TNFAIP8: variants seen among roughly 807,000 people sequenced by gnomAD.
The protein encoded by TNFAIP8 is tumor necrosis factor alpha-induced protein 8.
Under a neutral mutation model 13.3 loss-of-function variants are expected in TNFAIP8, and 7 were observed. The ratio of observed to expected loss-of-function variants is 0.52; its 90% CI spans 0.30 to 0.99. The LOEUF is 0.99. TNFAIP8 is among the 50% of genes least tolerant of loss of function. The pLI, the probability that TNFAIP8 is intolerant of heterozygous loss-of-function variation, is 0.07. For missense variants in TNFAIP8, 258 were observed against 236.9 expected (o/e 1.09, Z -0.58); for synonymous variants, 94 against 87.6 (o/e 1.07, Z -0.41).
At chr5:119,302,011 A>C (rs974456735) in intron 1 of TNFAIP8, among the ~76,000 whole-genome samples, 69 of 152,266 alleles carry the variant, frequency 4.5e-4, no homozygotes, top group African/African-American at 1.6e-3. Context: ...CTTTGATTAC[A>C]TAATTTCCAA....
intron 1 of TNFAIP8, among the ~76,000 whole-genome samples, chr5:119,332,390 A>G (rs1750411689): frequency 6.6e-6 from 1 of 152,164 alleles, no homozygotes; most frequent in Admixed American, 6.5e-5. Context: ...TTGCACGTAT[A>G]CACAACCAGA....
intron 1 of TNFAIP8, among the ~76,000 whole-genome samples, chr5:119,349,083 C>T (rs1751024399): frequency 6.6e-6 from 1 of 152,154 alleles, no homozygotes; most frequent in Non-Finnish European, 1.5e-5. Flanking sequence ...TGAATCCCTT[C>T]TGTGGCCCCT....
intron 1 of TNFAIP8, among the ~76,000 whole-genome samples, chr5:119,388,105 G>GT (rs1464968689): frequency 6.6e-6 from 1 of 152,180 alleles, no homozygotes; most frequent in Non-Finnish European, 1.5e-5. Flanking sequence ...AGGTGGGCCT[G>GT]TGTTTAATCT....
chr5:119,330,568 G>T lies in TNFAIP8; in HGVS notation c.1+61661G>T, dbSNP rs114585078. ...TCTCAGCCCTGTCCTATTGTGCAGG[G>T]TCCTGCTGAATATGCTGCTTAACCT... On this transcript the variant is annotated intron_variant, in intron 1 of 1. Coordinates refer to the TNFAIP8 transcript ENST00000274456. Among the ~76,000 whole-genome samples the T allele has an allele frequency of 1.6e-3, 236 of 152,230 alleles. 1 individual carries two copies. Among genetic ancestry groups the T allele is most frequent in the African/African-American group, 4.8e-3 (199 of 41,530 alleles).
chr5:119,368,522 T>C (rs1355669888), intron 1 of TNFAIP8, among the ~76,000 whole-genome samples: 1 of 151,568 alleles, frequency 6.6e-6, no homozygotes, highest in Admixed American at 6.6e-5. Flanking sequence ...AAATACTAAA[T>C]TAGTCACAGC....
chr5:119,335,748 A>G (rs181767101), intron 1 of TNFAIP8, among the ~76,000 whole-genome samples: 24 of 152,244 alleles, frequency 1.6e-4, no homozygotes, highest in Admixed American at 1.3e-3. Context: ...CTGCTCTTGG[A>G]GAGCTGATAT....
intron 1 of TNFAIP8, among the ~76,000 whole-genome samples, chr5:119,297,514 C>T (rs1265361041): frequency 6.6e-6 from 1 of 152,084 alleles, no homozygotes; most frequent in East Asian, 1.9e-4. Context: ...CTGAGGAGAG[C>T]TTTACTTCCA....
intron 1 of TNFAIP8, among the ~76,000 whole-genome samples, chr5:119,360,848 G>A (rs1027809350): frequency 6.6e-6 from 1 of 152,150 alleles, no homozygotes; most frequent in South Asian, 2.1e-4. Context: ...CACCTTCTAC[G>A]TGTAACTCAA....
intron 1 of TNFAIP8, among the ~76,000 whole-genome samples, chr5:119,308,456 C>T (rs901298753): frequency 6.8e-6 from 1 of 146,786 alleles, no homozygotes; most frequent in African/African-American, 2.5e-5. Context: ...GCTGTGCCTT[C>T]CTGCCTCTTG....
Position 119,359,063 on chromosome 5 carries a change from C to G in TNFAIP8, c.31+2942C>G, listed in dbSNP as rs1751541091. Among the ~76,000 whole-genome samples the G allele has an allele frequency of 2.6e-5, 4 of 152,308 alleles. No homozygotes were observed. The South Asian group carries it at 8.3e-4, about 32-fold the overall frequency. On this transcript the variant is annotated intron_variant, in intron 1 of 1. Coordinates refer to ENST00000504771, the MANE Select transcript of TNFAIP8 (RefSeq NM_014350.4). ...TAGATAACTCCCTCAACGTCCTGTTCCCAGACTGACAGACTCATCTCCGTC... is the reference window on the plus strand; with the variant it reads ...TAGATAACTCCCTCAACGTCCTGTTGCCAGACTGACAGACTCATCTCCGTC...
At chr5:119,313,170 A>G (rs578170306) in intron 1 of TNFAIP8, among the ~76,000 whole-genome samples, 14 of 152,294 alleles carry the variant, frequency 9.2e-5, no homozygotes, top group East Asian at 3.9e-4. Context: ...TCAGCTTCGT[A>G]TTTGTCATTT....
At position 119,393,018 on chromosome 5, in the gene TNFAIP8, A is replaced by G; in HGVS notation, c.234A>G (p.Thr78=). 1.2e-6 allele frequency: 2 copies of G among 1,613,452 alleles called. No homozygotes were observed. Among genetic ancestry groups the G allele is most frequent in the South Asian group, 2.2e-5 (2 of 90,994 alleles). ...AEKIIKNLIK[T]VIKLAILYRN... ...AGATCATCAAGAACCTCATCAAGAC[A>G]GTCATCAAGCTGGCCATTCTTTATA... The change falls in exon 2 of 2, where the codon ACA becomes ACG. Residue 78 remains threonine (T), a synonymous_variant. Coordinates refer to ENST00000504771, the MANE Select transcript of TNFAIP8 (RefSeq NM_014350.4).
At chr5:119,365,376 T>C (rs1751808555) in intron 1 of TNFAIP8, among the ~76,000 whole-genome samples, 1 of 152,210 alleles carries the variant, frequency 6.6e-6, no homozygotes, top group Non-Finnish European at 1.5e-5. Context: ...AAATTTTAGA[T>C]TCCCTCTGAG....
intron 1 of TNFAIP8, among the ~76,000 whole-genome samples, chr5:119,348,066 A>G (rs1750973282): frequency 6.6e-6 from 1 of 152,186 alleles, no homozygotes; most frequent in Non-Finnish European, 1.5e-5. Context: ...TAACTGCTCA[A>G]ATACAGTCAA....
chr5:119,276,418 T>C (rs943628408), intron 1 of TNFAIP8, among the ~76,000 whole-genome samples: 1 of 152,148 alleles, frequency 6.6e-6, no homozygotes, highest in Admixed American at 6.5e-5. Context: ...GCACCTGGCC[T>C]GTAAGTTCTG....
upstream of TNFAIP8, chr5:119,355,421 C>A: frequency 1.4e-6 from 1 of 700,300 alleles, no homozygotes; most frequent in East Asian, 2.7e-5. Context: ...CCACTTTCTT[C>A]AAAAGGCCCC....
intron 1 of TNFAIP8, among the ~76,000 whole-genome samples, chr5:119,272,391 C>G (rs1041251671): frequency 2.0e-5 from 3 of 152,124 alleles, no homozygotes; most frequent in Admixed American, 2.0e-4. Flanking sequence ...AGGTAACTTG[C>G]GTAAAGATGT....
At chr5:119,375,359 T>C (rs1392531074) in intron 1 of TNFAIP8, among the ~76,000 whole-genome samples, 1 of 152,130 alleles carries the variant, frequency 6.6e-6, no homozygotes, top group East Asian at 1.9e-4. Context: ...TCTTTTAGAG[T>C]AACGAGTGAG....
rs547932561 is a variant in TNFAIP8, at chr5:119,376,334, C to T, written c.32-16482C>T. ...TTCACCATGCTGGCCAGGCTGGTCT[C>T]GAACTGCTCTCTGTCACCTCAGGTG... On this transcript the variant is annotated intron_variant, in intron 1 of 1. Coordinates refer to ENST00000504771, the MANE Select transcript of TNFAIP8 (RefSeq NM_014350.4). Among the ~76,000 whole-genome samples, 74 of 151,192 alleles carry T rather than the reference C, an allele frequency of 4.9e-4. 1 individual carries two copies. The South Asian group carries it at 5.6e-3, about 11-fold the overall frequency.
Sources: gnomAD v4.1 joint callset for allele counts (sites outside exome capture counted in the v4.1 genomes callset) on GRCh38, gnomAD v4.1.1 for gene constraint, MANE v1.5 for transcripts, NCBI Gene and HGNC (gene_info 2026-07-23, HGNC 2026-07-21) for gene names.